DOCK3: variants seen among roughly 807,000 people sequenced by gnomAD.
The protein encoded by DOCK3 is dedicator of cytokinesis 3.
Under a neutral mutation model 265.6 loss-of-function variants are expected in DOCK3, and 60 were observed. The ratio of observed to expected loss-of-function variants is 0.23; its 90% CI spans 0.18 to 0.28. The LOEUF is 0.28. DOCK3 is among the 10% of genes least tolerant of loss of function. DOCK3 has a pLI of 1.00. For missense variants in DOCK3, 1,981 were observed against 2,594.3 expected (o/e 0.76, Z 5.14); for synonymous variants, 881 against 938.0 (o/e 0.94, Z 1.11).
intron 2 of DOCK3, among the ~76,000 whole-genome samples, chr3:50,815,854 C>G (rs1485217304): frequency 2.0e-5 from 3 of 152,064 alleles, no homozygotes; most frequent in African/African-American, 7.3e-5. Context: ...AATGAGAGCT[C>G]CAACTAGGCA....
intron 4 of DOCK3, chr3:50,901,695 T>G (rs1218400001): frequency 2.2e-6 from 1 of 454,042 alleles, no homozygotes; most frequent in Admixed American, 2.4e-5. Flanking sequence ...CAAGGCACAG[T>G]CCCTCATGGC....
intron 12 of DOCK3, among the ~76,000 whole-genome samples, chr3:51,164,528 G>A (rs541508119): frequency 5.3e-5 from 8 of 151,120 alleles, no homozygotes; most frequent in African/African-American, 9.8e-5. Flanking sequence ...GAAGGCCGAG[G>A]CAGGAGAATG....
At chr3:50,760,407 G>C (rs1365812096) in intron 1 of DOCK3, among the ~76,000 whole-genome samples, 2 of 152,146 alleles carry the variant, frequency 1.3e-5, no homozygotes, top group East Asian at 3.9e-4. Context: ...ACTTTACTAT[G>C]GTGCAAAAGT....
chr3:51,277,786 T>C, intron 26 of DOCK3, 32 bp downstream of exon 26: 3 of 1,595,398 alleles, frequency 1.9e-6, no homozygotes, highest in Non-Finnish European at 2.6e-6. Context: ...TTTCTTGCCT[T>C]CTTTTCTAAC....
At chr3:50,914,020 A>G (rs902979967) in intron 4 of DOCK3, among the ~76,000 whole-genome samples, 3 of 147,876 alleles carry the variant, frequency 2.0e-5, no homozygotes, top group Non-Finnish European at 4.6e-5. Context: ...GTATTCTGGC[A>G]TCTTGCTTTG....
intron 2 of DOCK3, among the ~76,000 whole-genome samples, chr3:50,802,693 G>A (rs2043136177): frequency 6.6e-6 from 1 of 152,008 alleles, no homozygotes; most frequent in Non-Finnish European, 1.5e-5. Flanking sequence ...CTCTCTTGCT[G>A]CTTTTAAAAT....
intron 1 of DOCK3, among the ~76,000 whole-genome samples, chr3:50,705,038 T>TTA (rs1376906815): frequency 6.6e-6 from 1 of 151,474 alleles, no homozygotes; most frequent in Non-Finnish European, 1.5e-5. Flanking sequence ...TCTGATTTTT[T>TTA]TTTTTTTTTT....
At chr3:51,009,004 G>A (rs112856957) in intron 5 of DOCK3, among the ~76,000 whole-genome samples, 2,593 of 152,104 alleles carry the variant, frequency 0.017, 53 homozygotes, top group African/African-American at 0.042. Context: ...TTGATGTGCC[G>A]CTGGATTTGG....
intron 14 of DOCK3, among the ~76,000 whole-genome samples, chr3:51,218,488 T>TTCTTCAGACCA (rs1292423332): frequency 6.6e-6 from 1 of 152,122 alleles, no homozygotes; most frequent in Non-Finnish European, 1.5e-5. Context: ...GACCGTACCC[T>TTCTTCAGACCA]TCTTCAGACC....
At chr3:51,262,427 C>G (rs1487804001) in intron 23 of DOCK3, among the ~76,000 whole-genome samples, 1 of 151,900 alleles carries the variant, frequency 6.6e-6, no homozygotes, top group Non-Finnish European at 1.5e-5. Flanking sequence ...CAACATCAAA[C>G]ACCAAAGGTA....
chr3:50,900,427 C>T (rs544998010), intron 4 of DOCK3, among the ~76,000 whole-genome samples: 3 of 152,186 alleles, frequency 2.0e-5, no homozygotes, highest in Admixed American at 1.3e-4. Flanking sequence ...AGAACATGCT[C>T]CTTTAGCTTG....
At chr3:50,705,788 A>G (rs570975768) in intron 1 of DOCK3, among the ~76,000 whole-genome samples, 107 of 152,224 alleles carry the variant, frequency 7.0e-4, no homozygotes, top group African/African-American at 2.4e-3. Context: ...CCAGCACTTT[A>G]GCAGGCTGAG....
chr3:50,749,129 GTTTC>G (rs970695175), intron 1 of DOCK3, among the ~76,000 whole-genome samples: 1 of 152,126 alleles, frequency 6.6e-6, no homozygotes, highest in African/African-American at 2.4e-5. Context: ...TCATCAGTTA[GTTTC>G]TTTCTATCAG....
chr3:50,793,358 C>CTTTTT (rs568370017), intron 2 of DOCK3, among the ~76,000 whole-genome samples: 3 of 130,770 alleles, frequency 2.3e-5, no homozygotes, highest in Non-Finnish European at 4.9e-5. Context: ...TTTTCTTTTT[C>CTTTTT]TTTTTTTTTT....
At chr3:50,704,851 A>G (rs2036287053) in intron 1 of DOCK3, among the ~76,000 whole-genome samples, 1 of 151,690 alleles carries the variant, frequency 6.6e-6, no homozygotes, top group Admixed American at 6.6e-5. Context: ...CTGGTCTCGA[A>G]CTCCTGACAT....
chr3:50,703,630 G>A (rs945281549), intron 1 of DOCK3, among the ~76,000 whole-genome samples: 2 of 151,900 alleles, frequency 1.3e-5, no homozygotes, highest in African/African-American at 2.4e-5. Context: ...TTGTTCATAA[G>A]AGTCTAATGA....
chr3:50,764,609 C>G (rs1028433428), intron 1 of DOCK3, among the ~76,000 whole-genome samples: 3 of 152,034 alleles, frequency 2.0e-5, no homozygotes, highest in Admixed American at 6.6e-5. Flanking sequence ...TTCTACTTAA[C>G]ATAGTGTGAA....
At position 51,146,540 on chromosome 3, in the gene DOCK3, A is replaced by C. The variant is rs575898198; in HGVS notation, c.747-9A>C. On this transcript the variant is annotated splice_polypyrimidine_tract_variant and intron_variant, in intron 9 of 52. Coordinates refer to ENST00000266037, the MANE Select transcript of DOCK3 (RefSeq NM_004947.5). ...ACATTTCTCTATATCTTTCTTTCCT[A>C]CATTTCAGTGAGCGGTTTCTGGTAA... 1 of 1,585,148 alleles carries C rather than the reference A, an allele frequency of 6.3e-7. No individual in the cohort carries two copies. The highest frequency in any genetic ancestry group is 1.3e-5 in the African/African-American group (1 of 74,572).
chr3:51,295,790 G>A (rs1045726206), intron 27 of DOCK3, among the ~76,000 whole-genome samples: 1 of 151,922 alleles, frequency 6.6e-6, no homozygotes, highest in Non-Finnish European at 1.5e-5. Context: ...GGGGGGTGGG[G>A]GGTAACCCTT....
Sources: gnomAD v4.1 joint callset for allele counts (sites outside exome capture counted in the v4.1 genomes callset) on GRCh38, gnomAD v4.1.1 for gene constraint, MANE v1.5 for transcripts, NCBI Gene and HGNC (gene_info 2026-07-23, HGNC 2026-07-21) for gene names.